Variants in ZNF354B observed in about 807,000 individuals in gnomAD.
ZNF354B encodes zinc finger protein 354B.
ZNF354B carries 10 observed loss-of-function variants against 12.9 expected under a neutral mutation model. The ratio of observed to expected loss-of-function variants is 0.77; its 90% confidence interval spans 0.48 to 1.31. ZNF354B has a LOEUF of 1.31. Among genes scored for constraint, ZNF354B ranks in the 40% most tolerant of loss-of-function variants. The pLI is 0.00. For missense variants in ZNF354B, 614 were observed against 711.7 expected (o/e 0.86, Z 1.56); for synonymous variants, 260 against 243.7 (o/e 1.07, Z -0.62).
intron 4 of ZNF354B, among the ~76,000 whole-genome samples, chr5:178,874,398 C>T (rs555179451): frequency 6.6e-6 from 1 of 152,284 alleles, no homozygotes; most frequent in East Asian, 1.9e-4. Flanking sequence ...GATTTTGTCT[C>T]TTTACATAAT....
chr5:178,876,311 G>A (rs2114021764), intron 4 of ZNF354B, among the ~76,000 whole-genome samples: 1 of 152,344 alleles, frequency 6.6e-6, no homozygotes, highest in African/African-American at 2.4e-5. Flanking sequence ...TTGTGAGGCA[G>A]CTGTGCACTT....
intron 4 of ZNF354B, among the ~76,000 whole-genome samples, chr5:178,871,092 A>G (rs972502339): frequency 3.3e-5 from 5 of 152,170 alleles, no homozygotes; most frequent in African/African-American, 1.2e-4. Flanking sequence ...CTATTTAAAG[A>G]GTAAATCAAC....
chr5:178,874,445 C>T (rs183263267), intron 4 of ZNF354B, among the ~76,000 whole-genome samples: 1 of 152,104 alleles, frequency 6.6e-6, no homozygotes, highest in Non-Finnish European at 1.5e-5. Context: ...GGTTTTTATT[C>T]TTTTTCTTTA....
chr5:178,864,211 C>G (rs939037634), intron 2 of ZNF354B, among the ~76,000 whole-genome samples: 2 of 152,204 alleles, frequency 1.3e-5, no homozygotes, highest in African/African-American at 4.8e-5. Flanking sequence ...GGCAAGAGCC[C>G]TATACAGGTG....
At position 178,883,604 on chromosome 5, in the gene ZNF354B, T is replaced by C. The variant is rs1312926850; in HGVS notation, c.1152T>C (p.Cys384=). The C allele has an allele frequency of 4.3e-6, 7 of 1,613,532 alleles. No homozygotes were observed. The highest frequency in any genetic ancestry group is 4.0e-5 in the African/African-American group (3 of 74,888). Residue 384 remains cysteine, a synonymous_variant, in exon 5 of 5, where the codon TGT becomes TGC. Coordinates refer to ENST00000322434, the MANE Select transcript of ZNF354B (RefSeq NM_058230.3). The part of the protein sequence containing the change: ...RIHTGEKPFK[C]SECGRAFSQS... ...ACACTGGAGAGAAGCCTTTTAAATG[T>C]AGTGAATGTGGGAGAGCCTTCAGCC... is the stretch of plus-strand genomic sequence containing the variant.
rs1367530890 is a variant in ZNF354B, at chr5:178,885,013, A to AG, written c.*723dup. The stretch of plus-strand genomic sequence containing the variant: ...CTTCGTGCATGGCTTTTATTAAAAA[A>AG]GAAAAAATCTGTTCTCTTCTTTGTT... On this transcript the variant is annotated 3_prime_UTR_variant, in exon 5 of 5. Transcript: ENST00000322434. 1.3e-5 allele frequency: 2 copies of AG among 152,240 alleles called. No individual in the cohort carries two copies. The highest frequency in any genetic ancestry group is 2.4e-5 in the African/African-American group (1 of 41,466). The allele number at this position is 152,240 out of a possible 1,614,324, so 9.4% of individuals were successfully genotyped here.
At chr5:178,871,724 C>G (rs898441798) in intron 4 of ZNF354B, among the ~76,000 whole-genome samples, 2 of 152,070 alleles carry the variant, frequency 1.3e-5, no homozygotes, top group Non-Finnish European at 2.9e-5. Flanking sequence ...GGAGATACAG[C>G]CAGCAGGACT....
At chr5:178,866,445 A>G (rs576333200) in intron 3 of ZNF354B, 75 bp downstream of exon 3, 68 of 1,522,226 alleles carry the variant, frequency 4.5e-5, no homozygotes, top group Non-Finnish European at 5.7e-5. Flanking sequence ...GAATAAAAGC[A>G]GTTGATCACT....
chr5:178,866,434 T>C, intron 3 of ZNF354B, 64 bp downstream of exon 3: 1 of 1,557,010 alleles, frequency 6.4e-7, no homozygotes, highest in Non-Finnish European at 8.7e-7. Flanking sequence ...CCTCCTTCCC[T>C]GAATAAAAGC....
intron 4 of ZNF354B, among the ~76,000 whole-genome samples, chr5:178,882,440 A>G (rs1757730428): frequency 6.6e-6 from 1 of 152,110 alleles, no homozygotes; most frequent in Non-Finnish European, 1.5e-5. Context: ...TATTTCCTAA[A>G]TTCATATGCC....
chr5:178,880,831 A>ATTTTTTTTTTTT (rs56013359), intron 4 of ZNF354B, among the ~76,000 whole-genome samples: 4 of 76,146 alleles, frequency 5.3e-5, no homozygotes, highest in Non-Finnish European at 9.2e-5. Context: ...ACTCATGGTC[A>ATTTTTTTTTTTT]TTTTTTTTTT....
At chr5:178,860,383 G>T (rs1757327549) in intron 1 of ZNF354B, among the ~76,000 whole-genome samples, 1 of 142,884 alleles carries the variant, frequency 7.0e-6, no homozygotes, top group South Asian at 2.1e-4. Context: ...TGCGCGCGCC[G>T]TGTGGGCCTC....
At position 178,866,231 on chromosome 5, in the gene ZNF354B, C is replaced by G. The variant is rs1581808776; in HGVS notation, c.34-13C>G. ...GGTGGTCCTGGGTGAGCTGGAACGA[C>G]TTGTCCTTACAGGTGTCACTGACAT... On this transcript the variant is annotated splice_polypyrimidine_tract_variant and intron_variant, in intron 2 of 4. Transcript: ENST00000322434. The G allele has an allele frequency of 5.6e-6, 9 of 1,613,584 alleles. No homozygotes were observed. In the Admixed American group the frequency reaches 1.0e-4, roughly 18 times the overall value.
intron 3 of ZNF354B, 110 bp from the exon 4 acceptor site, chr5:178,866,866 A>G: frequency 1.3e-5 from 13 of 994,432 alleles, no homozygotes; most frequent in Non-Finnish European, 2.0e-5. Flanking sequence ...TACATCATAC[A>G]TGCAACATTC....
intron 4 of ZNF354B, among the ~76,000 whole-genome samples, chr5:178,879,572 T>G (rs1757688658): frequency 6.6e-6 from 1 of 151,036 alleles, no homozygotes. Context: ...AGAGAGGGGG[T>G]TTCACCATGT....
At chr5:178,880,567 A>G (rs560088081) in intron 4 of ZNF354B, among the ~76,000 whole-genome samples, 1 of 148,012 alleles carries the variant, frequency 6.8e-6, no homozygotes, top group African/African-American at 2.5e-5. Flanking sequence ...TTAGATAATC[A>G]TGGCTTATTG....
Position 178,866,311 on chromosome 5 carries a change from C to T in ZNF354B, c.101C>T (p.Ser34Phe). 6.2e-7 allele frequency: 1 copy of T among 1,614,114 alleles called. No individual in the cohort carries two copies. Residue 34 changes from serine to phenylalanine, a missense_variant, in exon 3 of 5, where the codon TCT becomes TTT. Coordinates refer to ENST00000322434, the MANE Select transcript of ZNF354B (RefSeq NM_058230.3). ...TWDEWRKLAPSQRNLYRDVML... is the reference protein window; with the variant it reads ...TWDEWRKLAPFQRNLYRDVML... Reference sequence around the variant, plus strand: ...GATGAGTGGAGAAAGCTGGCTCCTTCTCAGAGAAACTTGTACCGGGATGTG... The same window carrying T: ...GATGAGTGGAGAAAGCTGGCTCCTTTTCAGAGAAACTTGTACCGGGATGTG...
At chr5:178,873,997 G>A (rs7729717) in intron 4 of ZNF354B, among the ~76,000 whole-genome samples, 21,897 of 146,356 alleles carry the variant, frequency 0.15, 1,990 homozygotes, top group African/African-American at 0.26. Flanking sequence ...TCTGCTGTCC[G>A]GCAGGCTGGA....
chr5:178,868,978 A>C (rs2114013265), intron 4 of ZNF354B, among the ~76,000 whole-genome samples: 1 of 152,178 alleles, frequency 6.6e-6, no homozygotes, highest in East Asian at 1.9e-4. Flanking sequence ...ACTCAAAAAA[A>C]AAAAAAAAAG....
Sources: gnomAD v4.1 joint callset for allele counts (sites outside exome capture counted in the v4.1 genomes callset) on GRCh38, gnomAD v4.1.1 for gene constraint, MANE v1.5 for transcripts, NCBI Gene and HGNC (gene_info 2026-07-23, HGNC 2026-07-21) for gene names.